CDH13: variants seen among roughly 807,000 people sequenced by gnomAD.
The protein encoded by CDH13 is cadherin 13.
CDH13 carries 24 observed loss-of-function variants against 63.8 expected under a neutral mutation model. That is an observed-to-expected ratio of 0.38 (90% CI 0.27 to 0.53). CDH13 has a LOEUF of 0.53. CDH13 is among the 20% of genes least tolerant of loss of function. CDH13 has a pLI of 0.85. For missense variants in CDH13, 1,049 were observed against 903.1 expected (o/e 1.16, Z -2.07); for synonymous variants, 503 against 355.3 (o/e 1.42, Z -4.67).
At chr16:83,567,529 T>C (rs956527457) in intron 7 of CDH13, among the ~76,000 whole-genome samples, 21 of 152,226 alleles carry the variant, frequency 1.4e-4, no homozygotes, top group Admixed American at 1.4e-3. Context: ...TATGTACTTA[T>C]TTAAAAATTT....
chr16:83,291,835 G>A (rs2089473502), intron 5 of CDH13, among the ~76,000 whole-genome samples: 3 of 152,058 alleles, frequency 2.0e-5, no homozygotes, highest in Admixed American at 6.6e-5. Flanking sequence ...TGTACGTTTG[G>A]TCTCTTACAT....
chr16:83,000,223 ATTTTTTTTTT>A (rs746904500), intron 2 of CDH13, among the ~76,000 whole-genome samples: 4 of 37,026 alleles, frequency 1.1e-4, no homozygotes, highest in African/African-American at 2.3e-4. Context: ...GGTTTAGCTT[ATTTTTTTTTT>A]TTTTTTTTTT....
chr16:82,756,703 T>C (rs146511086), intron 1 of CDH13, among the ~76,000 whole-genome samples: 96 of 152,230 alleles, frequency 6.3e-4, no homozygotes, highest in African/African-American at 2.2e-3. Flanking sequence ...TTTCCTTCCC[T>C]GAGGAGGAAA....
At chr16:82,903,335 C>T (rs1376403114) in intron 2 of CDH13, among the ~76,000 whole-genome samples, 2 of 152,214 alleles carry the variant, frequency 1.3e-5, no homozygotes, top group African/African-American at 2.4e-5. Context: ...TGCCATCTAC[C>T]TGCACCTGTC....
intron 8 of CDH13, among the ~76,000 whole-genome samples, chr16:83,653,845 C>T (rs1912619504): frequency 6.6e-6 from 1 of 152,192 alleles, no homozygotes; most frequent in Admixed American, 6.5e-5. Context: ...TTGTCCGCTG[C>T]TGTGTCCGGC....
intron 5 of CDH13, among the ~76,000 whole-genome samples, chr16:83,241,917 A>T (rs541177420): frequency 1.5e-4 from 23 of 152,298 alleles, no homozygotes; most frequent in African/African-American, 5.3e-4. Flanking sequence ...GTAAAATCCA[A>T]TGTCCTGAAG....
chr16:83,352,628 C>A (rs903849230), intron 6 of CDH13, among the ~76,000 whole-genome samples: 1 of 152,204 alleles, frequency 6.6e-6, no homozygotes, highest in Non-Finnish European at 1.5e-5. Context: ...CGGTGGCTCA[C>A]GCCTATAATC....
intron 4 of CDH13, among the ~76,000 whole-genome samples, chr16:83,208,062 T>C (rs142866055): frequency 2.0e-5 from 3 of 152,154 alleles, no homozygotes; most frequent in African/African-American, 7.2e-5. Context: ...TTCCCTGGGA[T>C]GATGGGAGCT....
At chr16:83,740,932 C>T (rs546859712) in intron 10 of CDH13, among the ~76,000 whole-genome samples, 16 of 152,206 alleles carry the variant, frequency 1.1e-4, no homozygotes, top group African/African-American at 3.1e-4. Flanking sequence ...TCTGTAACTT[C>T]GGAAGGCTGA....
chr16:83,771,977 A>C (rs139590254), intron 11 of CDH13, among the ~76,000 whole-genome samples: 1 of 152,336 alleles, frequency 6.6e-6, no homozygotes, highest in African/African-American at 2.4e-5. Flanking sequence ...CACAAGAGAA[A>C]AGAGATTCCT....
Position 83,278,170 on chromosome 16 carries a change from A to G in CDH13, c.636+60673A>G, listed in dbSNP as rs75116621. ...TTTCTGGCAAATTTGCAGTTATTCA[A>G]TTTTAAGTAGCGGGAACCAAATCCA... On this transcript the variant is annotated intron_variant, in intron 5 of 13. Coordinates refer to ENST00000567109, the MANE Select transcript of CDH13 (RefSeq NM_001257.5). Among the ~76,000 whole-genome samples the G allele has an allele frequency of 4.5e-3, 687 of 152,268 alleles. 7 individuals are homozygous for G. Among genetic ancestry groups the G allele is most frequent in the African/African-American group, 0.016 (650 of 41,566 alleles).
chr16:83,262,507 C>T (rs553083013), intron 5 of CDH13, among the ~76,000 whole-genome samples: 2 of 152,144 alleles, frequency 1.3e-5, no homozygotes, highest in South Asian at 2.1e-4. Flanking sequence ...CTAATTATAC[C>T]GTGAGCCATT....
At chr16:83,092,072 G>C (rs2033939576) in intron 3 of CDH13, among the ~76,000 whole-genome samples, 1 of 152,140 alleles carries the variant, frequency 6.6e-6, no homozygotes, top group Non-Finnish European at 1.5e-5. Context: ...ATCCTACCAA[G>C]TTAAAGAACC....
intron 12 of CDH13, 126 bp from the exon 13 acceptor site, chr16:83,783,128 T>G (rs1365578000): frequency 3.0e-6 from 2 of 673,068 alleles, no homozygotes; most frequent in African/African-American, 3.6e-5. Context: ...AATTTAAATG[T>G]AAGCATTCGC....
chr16:82,840,102 G>A (rs1052018516), intron 1 of CDH13, among the ~76,000 whole-genome samples: 10 of 152,220 alleles, frequency 6.6e-5, no homozygotes, highest in African/African-American at 2.4e-4. Context: ...TGCTTGATGA[G>A]GAGAAGAGAC....
intron 4 of CDH13, among the ~76,000 whole-genome samples, chr16:83,159,910 A>T (rs2037374764): frequency 6.6e-6 from 1 of 152,112 alleles, no homozygotes; most frequent in African/African-American, 2.4e-5. Context: ...ACCCGTATCT[A>T]CTAAAAATAC....
intron 6 of CDH13, among the ~76,000 whole-genome samples, chr16:83,476,633 ACTG>A (rs1244495732): frequency 6.6e-6 from 1 of 152,204 alleles, no homozygotes; most frequent in Non-Finnish European, 1.5e-5. Flanking sequence ...AGATTACGCC[ACTG>A]CACTCCAGCC....
At chr16:83,283,690 G>T (rs778573217) in intron 5 of CDH13, among the ~76,000 whole-genome samples, 2 of 152,098 alleles carry the variant, frequency 1.3e-5, no homozygotes, top group South Asian at 4.2e-4. Context: ...TTATCCCTGA[G>T]GTGCCTTTTC....
chr16:83,283,254 T>C (rs1358070837), intron 5 of CDH13, among the ~76,000 whole-genome samples: 7 of 152,146 alleles, frequency 4.6e-5, no homozygotes, highest in Non-Finnish European at 8.8e-5. Flanking sequence ...CCCAGACAAG[T>C]TGAATATGAA....
Sources: gnomAD v4.1 joint callset for allele counts (sites outside exome capture counted in the v4.1 genomes callset) on GRCh38, gnomAD v4.1.1 for gene constraint, MANE v1.5 for transcripts, NCBI Gene and HGNC (gene_info 2026-07-23, HGNC 2026-07-21) for gene names.